Variants in MERTK observed in about 807,000 individuals in gnomAD.
MERTK encodes tyrosine-protein kinase Mer.
A neutral mutation model predicts 99.3 loss-of-function variants in MERTK; 69 were observed. That is an observed-to-expected ratio of 0.70 (90% CI 0.57 to 0.85). MERTK has a LOEUF of 0.85. Ranked by LOEUF, MERTK falls within the 40% of genes least tolerant of loss-of-function variation. The pLI, the probability that MERTK is intolerant of heterozygous loss-of-function variation, is 0.00. For missense variants in MERTK, 1,125 were observed against 1,249.4 expected (o/e 0.90, Z 1.50); for synonymous variants, 426 against 467.6 (o/e 0.91, Z 1.15).
Position 111,929,353 on chromosome 2 carries a change from A to C in MERTK, c.295A>C (p.Thr99Pro). 6.2e-7 allele frequency: 1 copy of C among 1,614,098 alleles called. No individual in the cohort carries two copies. The highest frequency in any genetic ancestry group is 8.5e-7 in the Non-Finnish European group (1 of 1,180,024). The change falls in exon 2 of 19, where the codon ACA (threonine) becomes CCA (proline). Residue 99 changes from threonine (T) to proline (P), a missense_variant. Transcript: ENST00000295408. ...KPLPPLAFKH[T>P]VGHIILSEHK... ...CCTACCGCCTCTTGCCTTCAAACACACAGTTGGACACATAATACTTTCTGA... is the reference window on the plus strand; with the variant it reads ...CCTACCGCCTCTTGCCTTCAAACACCCAGTTGGACACATAATACTTTCTGA...
rs568134314 is a variant in MERTK, at chr2:111,955,458, G to T, written c.757+7891G>T. ...TTGGGGGTAGGATGTTCTATAAGGG[G>T]GTAGAAGAGGGAGCTTCTTTTTGGC... is the stretch of plus-strand genomic sequence containing the variant. On this transcript the variant is annotated intron_variant, in intron 4 of 18. Transcript: ENST00000295408. Among the ~76,000 whole-genome samples, 4 of 152,162 alleles carry T rather than the reference G, an allele frequency of 2.6e-5. No individual in the cohort carries two copies. In the South Asian group the frequency reaches 8.3e-4, roughly 32 times the overall value.
intron 15 of MERTK, among the ~76,000 whole-genome samples, chr2:112,012,073 G>A (rs764782188): frequency 2.6e-5 from 4 of 152,224 alleles, no homozygotes; most frequent in Non-Finnish European, 2.9e-5. Context: ...CACAGATGCA[G>A]AACCTCATGG....
At chr2:111,919,570 T>C (rs1684415746) in intron 1 of MERTK, among the ~76,000 whole-genome samples, 1 of 151,766 alleles carries the variant, frequency 6.6e-6, no homozygotes, top group Non-Finnish European at 1.5e-5. Flanking sequence ...CCCCCCATGG[T>C]AGGGACATGG....
At chr2:112,023,143 G>A (rs913526629) in intron 18 of MERTK, among the ~76,000 whole-genome samples, 10 of 152,174 alleles carry the variant, frequency 6.6e-5, no homozygotes, top group East Asian at 5.8e-4. Context: ...GGCCGAGTGC[G>A]GTGGCTCACG....
Position 111,994,353 on chromosome 2 carries a change from G to C in MERTK, c.1399G>C (p.Gly467Arg). The part of the protein sequence containing the change: ...CTVRIAAVTR[G>R]GVGPFSDPVK... ...AGTGAGGATTGCAGCCGTCACCAGA[G>C]GGGGAGTTGGGCCCTTCAGTGATCC... Residue 467 changes from glycine (G) to arginine (R), a missense_variant, in exon 9 of 19, where the codon GGG (glycine) becomes CGG (arginine). Gly to Arg is a moderately radical substitution (Grantham distance 125). Coordinates refer to ENST00000295408, the MANE Select transcript of MERTK (RefSeq NM_006343.3). 1 of 1,614,112 alleles carries C rather than the reference G, an allele frequency of 6.2e-7. No homozygotes were observed. Among genetic ancestry groups the C allele is most frequent in the South Asian group, 1.1e-5 (1 of 91,076 alleles).
At chr2:111,922,153 G>A (rs901643159) in intron 1 of MERTK, among the ~76,000 whole-genome samples, 1 of 152,224 alleles carries the variant, frequency 6.6e-6, no homozygotes, top group South Asian at 2.1e-4. Context: ...CAGTCCCACA[G>A]GGCTGCCACC....
In MERTK at chr2:112,012,645, C is replaced by T. The variant is rs540242638; in HGVS notation, c.2079+2579C>T. On this transcript the variant is annotated intron_variant, in intron 15 of 18. Coordinates refer to ENST00000295408, the MANE Select transcript of MERTK (RefSeq NM_006343.3). ...GTGCCCCTAAGAGGGGCAGCAACCC[C>T]TGCCCTGAATCCTTCCAGCATGGAG... is the stretch of plus-strand genomic sequence containing the variant. 1.6e-3 allele frequency among the ~76,000 whole-genome samples: 237 copies of T among 152,282 alleles called. 3 individuals carry two copies. The highest frequency in any genetic ancestry group is 5.2e-3 in the African/African-American group (216 of 41,548).
intron 15 of MERTK, among the ~76,000 whole-genome samples, chr2:112,012,396 G>A (rs956387821): frequency 4.1e-5 from 6 of 146,516 alleles, no homozygotes. Flanking sequence ...TGTCAGAGAA[G>A]CTTCTTGTTT....
intron 8 of MERTK, 52 bp downstream of exon 8, chr2:111,983,045 G>C (rs1346857147): frequency 3.1e-6 from 5 of 1,608,524 alleles, no homozygotes; most frequent in Admixed American, 1.7e-5. Flanking sequence ...TCAACTTGCT[G>C]GTTTACTTCA....
In MERTK at chr2:112,003,137, A is replaced by G; in HGVS notation, c.1736A>G (p.Asp579Gly). The G allele has an allele frequency of 1.9e-6, 3 of 1,604,358 alleles. No individual in the cohort carries two copies. The highest frequency in any genetic ancestry group is 2.6e-6 in the Non-Finnish European group (3 of 1,171,418). ...VSEELQNKLE[D>G]VVIDRNLLIL... ...GAGGAACTACAAAATAAACTAGAAGATGTTGTGATTGACAGGAATCTTCTA... is the reference window on the plus strand; with the variant it reads ...GAGGAACTACAAAATAAACTAGAAGGTGTTGTGATTGACAGGAATCTTCTA... Residue 579 changes from aspartate to glycine, a missense_variant, in exon 12 of 19, where the codon GAT becomes GGT. By Grantham distance (94) the Asp-to-Gly change is moderately conservative. Coordinates refer to ENST00000295408, the MANE Select transcript of MERTK (RefSeq NM_006343.3).
intron 6 of MERTK, 105 bp from the exon 7 acceptor site, chr2:111,975,184 C>T (rs1428411904): frequency 9.2e-7 from 1 of 1,092,478 alleles, no homozygotes; most frequent in Non-Finnish European, 1.4e-6. Context: ...GGTCCTTCCC[C>T]TTAGCGTAGA....
In MERTK at chr2:112,028,955, C is replaced by T; in HGVS notation, c.*91C>T. The T allele has an allele frequency of 6.2e-7, 1 of 1,605,840 alleles. No homozygotes were observed. On this transcript the variant is annotated 3_prime_UTR_variant, in exon 19 of 19. Transcript: ENST00000295408. ...ACCTGATGTTTTTGGTATTTGTCTT[C>T]CTTACCAAGTGAACTCCATGGCCCC...
intron 1 of MERTK, among the ~76,000 whole-genome samples, chr2:111,922,427 A>G (rs1684477120): frequency 6.6e-6 from 1 of 152,180 alleles, no homozygotes; most frequent in Non-Finnish European, 1.5e-5. Context: ...CCCAAGCCCG[A>G]TGTATATTTT....
At chr2:111,977,243 A>G (rs796148539) in intron 7 of MERTK, among the ~76,000 whole-genome samples, 1 of 152,042 alleles carries the variant, frequency 6.6e-6, no homozygotes, top group South Asian at 2.1e-4. Context: ...CTGGGGAAAA[A>G]TATTTATTTT....
In MERTK at chr2:111,942,051, G is replaced by A. The variant is rs191192866; in HGVS notation, c.483-2909G>A. Among the ~76,000 whole-genome samples the A allele has an allele frequency of 9.4e-4, 143 of 151,856 alleles. 1 individual carries two copies. The highest frequency in any genetic ancestry group is 3.4e-3 in the Middle Eastern group (1 of 294). On this transcript the variant is annotated intron_variant, in intron 2 of 18. Coordinates refer to ENST00000295408, the MANE Select transcript of MERTK (RefSeq NM_006343.3). ...TCTGGTCTGGGTGCAGTCCCCTCAG[G>A]CTGCCTTCCTGGGGCTGTGCCCCAC...
At chr2:111,989,395 C>T (rs1676562289) in intron 8 of MERTK, among the ~76,000 whole-genome samples, 1 of 147,704 alleles carries the variant, frequency 6.8e-6, no homozygotes, top group African/African-American at 2.5e-5. Context: ...CTCGCTCTGT[C>T]ACCCAGGCTG....
rs752358754 is a variant in MERTK at position 112,003,877 on chromosome 2, C to G, written c.1787-27C>G. On this transcript the variant is annotated intron_variant, in intron 12 of 18. Transcript: ENST00000295408. Reference sequence around the variant, plus strand: ...GGTCAGGGAAGAGTTTGCACAGTGTCCATACAGGTGTTCTTTCACTTCACA... The same window carrying G: ...GGTCAGGGAAGAGTTTGCACAGTGTGCATACAGGTGTTCTTTCACTTCACA... The G allele has an allele frequency of 1.9e-5, 30 of 1,566,878 alleles. No homozygotes were observed. The South Asian group carries it at 3.2e-4, about 17-fold the overall frequency.
intron 8 of MERTK, 126 bp from the exon 9 acceptor site, chr2:111,994,125 C>A: frequency 9.3e-7 from 1 of 1,071,460 alleles, no homozygotes; most frequent in South Asian, 1.3e-5. Context: ...CAAAGGAATG[C>A]TGTGGAAGTG....
In MERTK at chr2:111,898,830, G is replaced by T. The variant is rs1439267031; in HGVS notation, c.61+34G>T. ...GCCCGGCTGGGGGCCAGGCGAGGGG[G>T]TGGGGGCTCCCAGGAGGAAGCAGGG... On this transcript the variant is annotated intron_variant, in intron 1 of 18. Transcript: ENST00000295408. 2.6e-6 allele frequency: 4 copies of T among 1,563,872 alleles called. No individual in the cohort carries two copies. In the South Asian group the frequency reaches 3.5e-5, roughly 14 times the overall value.
Sources: allele counts gnomAD v4.1 joint callset (sites outside exome capture counted in the v4.1 genomes callset), GRCh38; gene constraint gnomAD v4.1.1; transcripts MANE v1.5; gene names NCBI Gene and HGNC (gene_info 2026-07-23, HGNC 2026-07-21).